EYS: variants seen among roughly 807,000 people sequenced by gnomAD.
EYS encodes the protein EGF-like photoreceptor maintenance factor, also known as protein eyes shut homolog.
Under a neutral mutation model 282.1 loss-of-function variants are expected in EYS, and 250 were observed. That is an observed-to-expected ratio of 0.89 (90% CI 0.80 to 0.98). The LOEUF (loss-of-function observed/expected upper bound fraction) is 0.98, where lower values mean the gene tolerates loss of function less well. EYS is among the 50% of genes least tolerant of loss of function. EYS has a pLI of 0.00. For missense variants in EYS, 4,016 were observed against 3,709.0 expected (o/e 1.08, Z -2.15); for synonymous variants, 1,355 against 1,282.9 (o/e 1.06, Z -1.20).
At position 64,266,587 on chromosome 6, in the gene EYS, C is replaced by T. The variant is rs557024612; in HGVS notation, c.6192-35763G>A. Among the ~76,000 whole-genome samples, 42 of 152,136 alleles carry T rather than the reference C, an allele frequency of 2.8e-4. No homozygotes were observed. In the East Asian group the frequency reaches 6.6e-3, roughly 24 times the overall value. On this transcript the variant is annotated intron_variant, in intron 30 of 42. Coordinates refer to ENST00000503581, the MANE Select transcript of EYS (RefSeq NM_001142800.2). Reference sequence around the variant, plus strand: ...ACCAATTTTGGTTTAACAACAACAACAAAAAAGACAAGTCAGTTAAGGACA... The same window carrying T: ...ACCAATTTTGGTTTAACAACAACAATAAAAAAGACAAGTCAGTTAAGGACA...
chr6:64,421,319 C>T (rs1774225758), intron 28 of EYS, among the ~76,000 whole-genome samples: 1 of 152,044 alleles, frequency 6.6e-6, no homozygotes, highest in Non-Finnish European at 1.5e-5. Context: ...AAGAAACTGT[C>T]CCTGTGATTC....
intron 14 of EYS, among the ~76,000 whole-genome samples, chr6:64,974,683 T>C (rs1398501056): frequency 6.6e-6 from 1 of 151,896 alleles, no homozygotes; most frequent in Non-Finnish European, 1.5e-5. Context: ...GTCAATGGCA[T>C]TATTTGTGTG....
In EYS at chr6:64,733,475, TGAA is replaced by T. The variant is rs777969247; in HGVS notation, c.3443+79900_3443+79902del. 40 of 191,486 alleles carry T rather than the reference TGAA, an allele frequency of 2.1e-4. 1 individual carries two copies. The highest frequency in any genetic ancestry group is 9.9e-4 in the Admixed American group (19 of 19,212). The allele number at this position is 191,486 out of a possible 1,614,324, so 11.9% of individuals were successfully genotyped here. A position where few individuals can be genotyped will look rare whatever the true frequency, so the allele number is the denominator to read the frequency against. On this transcript the variant is annotated intron_variant, in intron 22 of 42. Coordinates refer to ENST00000503581, the MANE Select transcript of EYS (RefSeq NM_001142800.2). Reference sequence around the variant, plus strand: ...CCACAATGATGCTGCTGACAGTGGTTGAAGTCTTCTTTTCAGCCTCTGAGCCCA... The same window carrying T: ...CCACAATGATGCTGCTGACAGTGGTTGTCTTCTTTTCAGCCTCTGAGCCCA...
chr6:65,411,490 GC>G (rs145260244), intron 5 of EYS, among the ~76,000 whole-genome samples: 261 of 152,050 alleles, frequency 1.7e-3, no homozygotes, highest in African/African-American at 6.1e-3. Context: ...TAGAAAATTG[GC>G]ATTAGCATAA....
chr6:64,123,294 A>G (rs1429431620), intron 31 of EYS, among the ~76,000 whole-genome samples: 1 of 152,338 alleles, frequency 6.6e-6, no homozygotes, highest in East Asian at 1.9e-4. Flanking sequence ...AGTTACTAAT[A>G]TTATATTAAA....
chr6:65,081,230 C>T (rs1774222935), intron 12 of EYS, among the ~76,000 whole-genome samples: 2 of 151,978 alleles, frequency 1.3e-5, no homozygotes, highest in South Asian at 2.1e-4. Context: ...TTCTATATCT[C>T]AGTAGCCCCT....
chr6:64,995,025 A>T (rs1771201220), intron 14 of EYS, among the ~76,000 whole-genome samples: 1 of 152,104 alleles, frequency 6.6e-6, no homozygotes, highest in African/African-American at 2.4e-5. Flanking sequence ...TGTGCCAAAT[A>T]GTTTATGCTA....
intron 36 of EYS, among the ~76,000 whole-genome samples, chr6:63,826,428 A>G (rs993714417): frequency 6.6e-6 from 1 of 152,218 alleles, no homozygotes; most frequent in Admixed American, 6.5e-5. Flanking sequence ...ATCATTGCCT[A>G]GGCACATTGT....
At chr6:65,252,037 G>C (rs984700929) in intron 12 of EYS, among the ~76,000 whole-genome samples, 6 of 152,018 alleles carry the variant, frequency 3.9e-5, no homozygotes, top group African/African-American at 1.4e-4. Context: ...TTTTCCAGGG[G>C]GTAGGGGCGA....
Position 63,795,091 on chromosome 6 carries a change from C to G in EYS, c.7412-5867G>C, listed in dbSNP as rs550574845. On this transcript the variant is annotated intron_variant, in intron 37 of 42. Transcript: ENST00000503581. ...ATGCACAGGAAAAAAAACTGGATCT[C>G]TCTTTGGCTAGAAAGAAAAGTCATA... 3.5e-4 allele frequency among the ~76,000 whole-genome samples: 54 copies of G among 152,312 alleles called. 1 individual carries two copies. The South Asian group carries it at 8.3e-3, about 23-fold the overall frequency.
At chr6:65,055,083 C>A (rs1435005762) in intron 13 of EYS, among the ~76,000 whole-genome samples, 1 of 151,932 alleles carries the variant, frequency 6.6e-6, no homozygotes, top group Non-Finnish European at 1.5e-5. Flanking sequence ...ATGGGGTCAA[C>A]CAATCCTCCT....
At chr6:65,583,873 A>G (rs1344146487) in intron 2 of EYS, among the ~76,000 whole-genome samples, 1 of 152,054 alleles carries the variant, frequency 6.6e-6, no homozygotes, top group Non-Finnish European at 1.5e-5. Flanking sequence ...GAATGTTAAT[A>G]TGTTCATATT....
At chr6:64,801,977 T>C (rs77424435) in intron 22 of EYS, among the ~76,000 whole-genome samples, 1,780 of 150,638 alleles carry the variant, frequency 0.012, 34 homozygotes, top group African/African-American at 0.041. Context: ...ATTTAATAAA[T>C]GGGGATACTA....
At chr6:63,830,151 G>A (rs981139764) in intron 36 of EYS, among the ~76,000 whole-genome samples, 2 of 152,220 alleles carry the variant, frequency 1.3e-5, no homozygotes, top group African/African-American at 4.8e-5. Flanking sequence ...AAAAATCGGA[G>A]TGTCTCTTCT....
chr6:65,206,216 T>A (rs1766030044), intron 12 of EYS, among the ~76,000 whole-genome samples: 1 of 151,684 alleles, frequency 6.6e-6, no homozygotes, highest in Admixed American at 6.6e-5. Context: ...ATCTGATACA[T>A]GCCACAGAAA....
At chr6:63,829,943 G>A (rs569136271) in intron 36 of EYS, among the ~76,000 whole-genome samples, 2 of 152,168 alleles carry the variant, frequency 1.3e-5, no homozygotes, top group Non-Finnish European at 2.9e-5. Context: ...GTGATACCCA[G>A]GAAAACAGGG....
intron 22 of EYS, among the ~76,000 whole-genome samples, chr6:64,635,093 T>C (rs1767927916): frequency 6.6e-6 from 1 of 152,044 alleles, no homozygotes; most frequent in Non-Finnish European, 1.5e-5. Flanking sequence ...CAATTGTGAA[T>C]GGGAGTTCAC....
At chr6:65,310,590 C>A (rs1769130270) in intron 11 of EYS, among the ~76,000 whole-genome samples, 1 of 152,110 alleles carries the variant, frequency 6.6e-6, no homozygotes, top group African/African-American at 2.4e-5. Context: ...GTGACCTTGT[C>A]GTGTCTACCT....
intron 12 of EYS, among the ~76,000 whole-genome samples, chr6:65,133,783 A>G (rs1436542007): frequency 6.6e-6 from 1 of 152,130 alleles, no homozygotes; most frequent in African/African-American, 2.4e-5. Flanking sequence ...ATCTAATTAA[A>G]CATAAGAGCT....
Sources: allele counts gnomAD v4.1 joint callset (sites outside exome capture counted in the v4.1 genomes callset), GRCh38; gene constraint gnomAD v4.1.1; transcripts MANE v1.5; gene names NCBI Gene and HGNC (gene_info 2026-07-23, HGNC 2026-07-21).